Variants in KCNMA1 observed in about 807,000 individuals in gnomAD.
KCNMA1 encodes the protein Calcium-activated potassium channel subunit alpha-1.
KCNMA1 carries 29 observed loss-of-function variants against 140.0 expected under a neutral mutation model. That is an observed-to-expected ratio of 0.21 (90% CI 0.15 to 0.28). KCNMA1 has a LOEUF of 0.28. Among genes scored for constraint, KCNMA1 ranks in the 10% least tolerant of loss-of-function variants. The pLI, the probability that KCNMA1 is intolerant of heterozygous loss-of-function variation, is 1.00. For missense variants in KCNMA1, 880 were observed against 1,602.2 expected (o/e 0.55, Z 7.70); for synonymous variants, 612 against 611.9 (o/e 1.00, Z 0.00).
intron 5 of KCNMA1, among the ~76,000 whole-genome samples, chr10:77,128,530 A>G (rs2097789427): frequency 6.6e-6 from 1 of 151,646 alleles, no homozygotes; most frequent in South Asian, 2.1e-4. Context: ...AGCACCCCCT[A>G]CCTGCATTCT....
At chr10:77,423,211 T>C (rs999067840) in intron 1 of KCNMA1, among the ~76,000 whole-genome samples, 3 of 152,246 alleles carry the variant, frequency 2.0e-5, no homozygotes, top group African/African-American at 4.8e-5. Context: ...GATTATTTTT[T>C]ACTCTTAAAA....
chr10:76,979,053 T>C (rs2078588139), intron 19 of KCNMA1, among the ~76,000 whole-genome samples: 1 of 152,208 alleles, frequency 6.6e-6, no homozygotes, highest in African/African-American at 2.4e-5. Context: ...AAAGCTTCTC[T>C]CACCTCGCCC....
At chr10:77,160,498 C>A (rs1456920907) in intron 5 of KCNMA1, among the ~76,000 whole-genome samples, 4 of 152,184 alleles carry the variant, frequency 2.6e-5, no homozygotes, top group African/African-American at 7.2e-5. Flanking sequence ...TGAATACAGG[C>A]CTAACTAATT....
intron 2 of KCNMA1, among the ~76,000 whole-genome samples, chr10:77,295,805 A>AAAAAAAAAAAC (rs2074894148): frequency 7.3e-6 from 1 of 136,896 alleles, no homozygotes; most frequent in African/African-American, 2.7e-5. Flanking sequence ...AAAAAAAAAA[A>AAAAAAAAAAAC]AAAAAAAAAA....
intron 1 of KCNMA1, among the ~76,000 whole-genome samples, chr10:77,609,521 C>T (rs1372010908): frequency 2.6e-5 from 4 of 152,174 alleles, no homozygotes; most frequent in Non-Finnish European, 1.5e-5. Context: ...TATTACTGTA[C>T]ATCATGGTGA....
Position 76,889,521 on chromosome 10 carries a change from T to C in KCNMA1, c.3391A>G (p.Asn1131Asp). 6.2e-7 allele frequency: 1 copy of C among 1,613,974 alleles called. No individual in the cohort carries two copies. The highest frequency in any genetic ancestry group is 1.1e-5 in the South Asian group (1 of 91,080). The stretch of plus-strand genomic sequence containing the variant: ...CGGTAAATTCCAAAACAAAGCATAT[T>C]ATATGTTTTCAGAGCTTTGCAGAAC... ...DLFCKALKTYNMLCFGIYRLR... is the reference protein window; with the variant it reads ...DLFCKALKTYDMLCFGIYRLR... The change falls in exon 27 of 28, where the codon AAT (asparagine) becomes GAT (aspartate). Residue 1131 changes from asparagine to aspartate, a missense_variant. Asn to Asp is a conservative substitution (Grantham distance 23). Coordinates refer to ENST00000286628, the MANE Select transcript of KCNMA1 (RefSeq NM_001161352.2).
At chr10:77,036,550 G>A (rs1247155791) in intron 15 of KCNMA1, among the ~76,000 whole-genome samples, 2 of 152,216 alleles carry the variant, frequency 1.3e-5, no homozygotes, top group African/African-American at 4.8e-5. Context: ...CATAATTACA[G>A]AAACTGCTCT....
At chr10:77,202,285 G>A (rs1304460516) in intron 3 of KCNMA1, among the ~76,000 whole-genome samples, 1 of 152,100 alleles carries the variant, frequency 6.6e-6, no homozygotes, top group African/African-American at 2.4e-5. Context: ...GCTAATTGAG[G>A]CAAAGACATC....
Position 77,442,779 on chromosome 10 carries a change from C to T in KCNMA1, c.379-38756G>A, listed in dbSNP as rs1358501211. 3.9e-5 allele frequency among the ~76,000 whole-genome samples: 6 copies of T among 152,284 alleles called. No individual in the cohort carries two copies. In the East Asian group the frequency reaches 7.7e-4, roughly 20 times the overall value. ...AAGTTGTTGGTTTCTCCACGCTCCC[C>T]TCCTCCTCCTTCACACCCAAGAGGA... On this transcript the variant is annotated intron_variant, in intron 1 of 27. Coordinates refer to ENST00000286628, the MANE Select transcript of KCNMA1 (RefSeq NM_001161352.2).
intron 2 of KCNMA1, among the ~76,000 whole-genome samples, chr10:77,360,602 C>A (rs2154399870): frequency 6.6e-6 from 1 of 152,314 alleles, no homozygotes; most frequent in East Asian, 1.9e-4. Context: ...CCTGGGACGA[C>A]CGGCATCCTC....
chr10:77,110,367 A>C, intron 7 of KCNMA1, 24 bp from the exon 8 acceptor site: 1 of 1,601,870 alleles, frequency 6.2e-7, no homozygotes, highest in Non-Finnish European at 8.6e-7. Context: ...GACAGGGGAG[A>C]AAAAAGAAAA....
At chr10:76,941,546 C>A (rs993467168) in intron 23 of KCNMA1, among the ~76,000 whole-genome samples, 6 of 152,004 alleles carry the variant, frequency 3.9e-5, no homozygotes, top group African/African-American at 1.4e-4. Context: ...GAACAGTATT[C>A]AAAAACAAGA....
At chr10:76,951,928 T>A in intron 21 of KCNMA1, 1 of 1,070,088 alleles carries the variant, frequency 9.3e-7, no homozygotes, top group South Asian at 1.5e-5. Context: ...GCAGTCGTTG[T>A]CAGGGATTGC....
chr10:77,376,862 C>A (rs946463352), intron 2 of KCNMA1, among the ~76,000 whole-genome samples: 13 of 152,044 alleles, frequency 8.6e-5, no homozygotes, highest in Admixed American at 6.5e-4. Context: ...CACTTGAACC[C>A]AAGAGGCAGA....
intron 2 of KCNMA1, among the ~76,000 whole-genome samples, chr10:77,395,409 C>G (rs1202476916): frequency 2.0e-5 from 3 of 152,102 alleles, no homozygotes; most frequent in African/African-American, 7.2e-5. Context: ...ACAAAAGAGG[C>G]AATGAGCCAG....
At chr10:77,000,859 T>A (rs12240290) in intron 19 of KCNMA1, among the ~76,000 whole-genome samples, 1,326 of 11,432 alleles carry the variant, frequency 0.12, 173 homozygotes, top group Middle Eastern at 0.5. Context: ...AAAAAGAAAA[T>A]ATATATATAT....
intron 2 of KCNMA1, among the ~76,000 whole-genome samples, chr10:77,372,364 T>C (rs1452918086): frequency 1.3e-5 from 2 of 152,194 alleles, no homozygotes; most frequent in East Asian, 1.9e-4. Context: ...GCACATTAAA[T>C]GGAAAGTGCC....
chr10:77,582,812 A>C (rs2076231572), intron 1 of KCNMA1, among the ~76,000 whole-genome samples: 1 of 152,098 alleles, frequency 6.6e-6, no homozygotes, highest in Admixed American at 6.5e-5. Context: ...TTGGTTCCAT[A>C]TTTGCTTCCA....
intron 2 of KCNMA1, among the ~76,000 whole-genome samples, chr10:77,307,456 G>A (rs923847073): frequency 4.6e-5 from 7 of 152,146 alleles, no homozygotes; most frequent in Non-Finnish European, 7.3e-5. Flanking sequence ...AATGTTCAAC[G>A]CTTATCACAA....
Sources: allele counts gnomAD v4.1 joint callset (sites outside exome capture counted in the v4.1 genomes callset), GRCh38; gene constraint gnomAD v4.1.1; transcripts MANE v1.5; gene names NCBI Gene and HGNC (gene_info 2026-07-23, HGNC 2026-07-21).